ANKS1B: variants seen among roughly 807,000 people sequenced by gnomAD.
ANKS1B encodes the protein ankyrin repeat and sterile alpha motif domain-containing protein 1B.
In ANKS1B, 36 loss-of-function variants were observed where a neutral mutation model predicts 148.3. The observed-to-expected ratio is 0.24, with a 90% CI of 0.19 to 0.32. The LOEUF (loss-of-function observed/expected upper bound fraction) is 0.32, where lower values mean the gene tolerates loss of function less well. ANKS1B is among the 10% of genes least tolerant of loss of function. The pLI, the probability that ANKS1B is intolerant of heterozygous loss-of-function variation, is 1.00. For missense variants in ANKS1B, 1,157 were observed against 1,542.6 expected, an observed-to-expected ratio of 0.75 and a Z score of 4.19; for synonymous variants, 542 against 560.8, an observed-to-expected ratio of 0.97 and a Z score of 0.47.
intron 17 of ANKS1B, among the ~76,000 whole-genome samples, chr12:99,008,846 G>A (rs1568334762): frequency 6.6e-6 from 1 of 152,334 alleles, no homozygotes; most frequent in East Asian, 1.9e-4. Context: ...AGAAGGGAAA[G>A]AGCTTGTGAA....
intron 15 of ANKS1B, among the ~76,000 whole-genome samples, chr12:99,088,838 GTTTTTTTTTTTT>G (rs386377539): frequency 1.7e-3 from 116 of 69,852 alleles, no homozygotes; most frequent in Middle Eastern, 0.014. Context: ...TTTAACTTCT[GTTTTTTTTTTTT>G]TTTTTTTTTT....
chr12:99,932,138 TAC>T (rs1218448927), intron 1 of ANKS1B, among the ~76,000 whole-genome samples: 2 of 152,214 alleles, frequency 1.3e-5, no homozygotes, highest in African/African-American at 4.8e-5. Context: ...ACATTGTGTA[TAC>T]GTGACACATT....
chr12:99,461,061 T>C, intron 10 of ANKS1B, among the ~76,000 whole-genome samples: 1 of 150,510 alleles, frequency 6.6e-6, no homozygotes, highest in East Asian at 1.9e-4. Flanking sequence ...TATATATATA[T>C]ATATACACAT....
intron 9 of ANKS1B, among the ~76,000 whole-genome samples, chr12:99,515,022 C>T (rs1295473409): frequency 6.7e-6 from 1 of 148,368 alleles, no homozygotes; most frequent in Non-Finnish European, 1.5e-5. Context: ...AAAAAAAAAA[C>T]TTTTAAATAT....
chr12:99,420,643 C>T (rs1033467645), intron 11 of ANKS1B, among the ~76,000 whole-genome samples: 2 of 152,116 alleles, frequency 1.3e-5, no homozygotes, highest in African/African-American at 4.8e-5. Flanking sequence ...CTGACTCATT[C>T]CTGGCAAAGG....
chr12:99,368,443 T>A (rs954767010), intron 12 of ANKS1B, among the ~76,000 whole-genome samples: 1 of 152,022 alleles, frequency 6.6e-6, no homozygotes, highest in African/African-American at 2.4e-5. Flanking sequence ...TTGTTCTCAT[T>A]AGAACCTACT....
At chr12:99,073,627 G>A (rs983697982) in intron 16 of ANKS1B, among the ~76,000 whole-genome samples, 2 of 152,016 alleles carry the variant, frequency 1.3e-5, no homozygotes, top group African/African-American at 4.8e-5. Flanking sequence ...AGAGCTCTTG[G>A]ATTCCTGCTG....
intron 10 of ANKS1B, among the ~76,000 whole-genome samples, chr12:99,446,455 A>C (rs576875592): frequency 6.6e-6 from 1 of 152,204 alleles, no homozygotes; most frequent in African/African-American, 2.4e-5. Context: ...TACTTATTGA[A>C]TCTCATTTAA....
At position 99,046,814 on chromosome 12, in the gene ANKS1B, AAAG is replaced by A. The variant is rs1210101371; in HGVS notation, c.2778+6340_2778+6342del. On this transcript the variant is annotated intron_variant, in intron 17 of 26. Transcript: ENST00000683438. Reference sequence around the variant, plus strand: ...CAGAGCGAGACTCTGTCTTAAAAAAAAAGAAAAAAAAAAGAAAAAGAAAGACCC... The same window carrying A: ...CAGAGCGAGACTCTGTCTTAAAAAAAAAAAAAAAAAGAAAAAGAAAGACCC... 4.1e-4 allele frequency among the ~76,000 whole-genome samples: 39 copies of A among 95,270 alleles called. 2 individuals carry two copies. Among genetic ancestry groups the A allele is most frequent in the East Asian group, 1.2e-3 (3 of 2,608 alleles). The allele number at this position is 95,270 out of a possible 152,430, so 62.5% of individuals were successfully genotyped here.
chr12:99,875,946 C>T (rs927215747), intron 1 of ANKS1B, among the ~76,000 whole-genome samples: 1 of 152,120 alleles, frequency 6.6e-6, no homozygotes, highest in Non-Finnish European at 1.5e-5. Context: ...GCATTATACA[C>T]GGATTTTAAG....
intron 14 of ANKS1B, among the ~76,000 whole-genome samples, chr12:99,225,644 G>A (rs952140279): frequency 1.3e-5 from 2 of 152,146 alleles, no homozygotes; most frequent in African/African-American, 2.4e-5. Context: ...TGAGTCTTCC[G>A]GCCTTCATCT....
chr12:99,471,783 T>C (rs969304452), intron 10 of ANKS1B, among the ~76,000 whole-genome samples: 1 of 152,134 alleles, frequency 6.6e-6, no homozygotes, highest in Non-Finnish European at 1.5e-5. Flanking sequence ...CTTAAAACTC[T>C]GACATGTAAT....
At chr12:98,873,971 G>C (rs1275935966) in intron 17 of ANKS1B, among the ~76,000 whole-genome samples, 1 of 152,188 alleles carries the variant, frequency 6.6e-6, no homozygotes, top group East Asian at 1.9e-4. Context: ...CTGTCGGCAA[G>C]TTAGGTGGTG....
intron 19 of ANKS1B, among the ~76,000 whole-genome samples, chr12:98,828,508 C>T (rs1168365107): frequency 6.6e-6 from 1 of 152,194 alleles, no homozygotes; most frequent in African/African-American, 2.4e-5. Context: ...GGGTGAAATG[C>T]GGAGCTACCC....
chr12:99,015,340 C>T (rs1448522090), intron 17 of ANKS1B, among the ~76,000 whole-genome samples: 2 of 152,084 alleles, frequency 1.3e-5, no homozygotes, highest in Non-Finnish European at 2.9e-5. Flanking sequence ...CACATGGACA[C>T]AACACACACT....
chr12:99,211,874 T>G, intron 14 of ANKS1B, among the ~76,000 whole-genome samples: 1 of 152,190 alleles, frequency 6.6e-6, no homozygotes, highest in Admixed American at 6.5e-5. Context: ...AGACAGTTTC[T>G]TTCCTTCCAG....
At chr12:99,827,934 T>C (rs2083415784) in intron 1 of ANKS1B, among the ~76,000 whole-genome samples, 1 of 152,178 alleles carries the variant, frequency 6.6e-6, no homozygotes, top group Admixed American at 6.5e-5. Context: ...GTCATTCCAC[T>C]GTAGGTATTT....
At chr12:99,439,818 A>G in intron 11 of ANKS1B, among the ~76,000 whole-genome samples, 1 of 151,828 alleles carries the variant, frequency 6.6e-6, no homozygotes, top group South Asian at 2.1e-4. Flanking sequence ...ACATATGTTT[A>G]TAAAAAACAC....
At position 99,741,201 on chromosome 12, in the gene ANKS1B, C is replaced by T. The variant is rs551238079; in HGVS notation, c.1128+31721G>A. Among the ~76,000 whole-genome samples, 16 of 78,732 alleles carry T rather than the reference C, an allele frequency of 2.0e-4. No individual in the cohort carries two copies. In the South Asian group the frequency reaches 6.1e-3, roughly 30 times the overall value. The allele number at this position is 78,732 out of a possible 152,430, so 51.7% of individuals were successfully genotyped here. On this transcript the variant is annotated intron_variant, in intron 8 of 26. Coordinates refer to ENST00000683438, the MANE Select transcript of ANKS1B (RefSeq NM_001352186.2). ...CCAGCCTGGCAACAGAGCTAGGCTC[C>T]GTCAAACACACACACACACACACAC...
Sources: gnomAD v4.1 joint callset for allele counts (sites outside exome capture counted in the v4.1 genomes callset) on GRCh38, gnomAD v4.1.1 for gene constraint, MANE v1.5 for transcripts, NCBI Gene and HGNC (gene_info 2026-07-23, HGNC 2026-07-21) for gene names.